Variants in TLN2 observed in about 807,000 individuals in gnomAD.
The protein encoded by TLN2 is talin 2.
A neutral mutation model predicts 294.7 loss-of-function variants in TLN2; 118 were observed. The ratio of observed to expected loss-of-function variants is 0.40; its 90% CI spans 0.34 to 0.47. TLN2 has a LOEUF of 0.47. TLN2 is among the 20% of genes least tolerant of loss of function. The pLI, the probability that TLN2 is intolerant of heterozygous loss-of-function variation, is 0.84. For missense variants in TLN2, 3,083 were observed against 3,282.2 expected, an observed-to-expected ratio of 0.94 and a Z score of 1.48; for synonymous variants, 1,431 against 1,304.5, an observed-to-expected ratio of 1.10 and a Z score of -2.09.
Position 62,556,380 on chromosome 15 carries a change from C to T in TLN2, c.-237-33307C>T, listed in dbSNP as rs533321536. 4.1e-4 allele frequency among the ~76,000 whole-genome samples: 62 copies of T among 152,068 alleles called. 1 individual carries two copies. The highest frequency in any genetic ancestry group is 3.7e-3 in the South Asian group (18 of 4,808). The stretch of plus-strand genomic sequence containing the variant: ...GGAGTGCAGTGGCACGATCAGGGCT[C>T]ACCGCAGCCTCAACCTTCTGGGCTT... On this transcript the variant is annotated intron_variant, in intron 1 of 58. Coordinates refer to ENST00000636159, the MANE Select transcript of TLN2 (RefSeq NM_015059.3).
rs987577119 is a variant in TLN2, at chr15:62,820,472, T to C, written c.6878-14T>C. ...GCAGCTATGAAGAATCACCTTCTTT[T>C]GGACTGATTCTAGGAACAGAGTGGG... On this transcript the variant is annotated splice_polypyrimidine_tract_variant and intron_variant, in intron 53 of 58. Coordinates refer to ENST00000636159, the MANE Select transcript of TLN2 (RefSeq NM_015059.3). The C allele has an allele frequency of 6.2e-7, 1 of 1,613,286 alleles. No individual in the cohort carries two copies. Among genetic ancestry groups the C allele is most frequent in the African/African-American group, 1.3e-5 (1 of 74,980 alleles).
At chr15:62,819,492 C>T in intron 52 of TLN2, 24 bp from the exon 53 acceptor site, 1 of 1,597,274 alleles carries the variant, frequency 6.3e-7, no homozygotes, top group Non-Finnish European at 8.6e-7. Context: ...CCCCTCATGC[C>T]TCTGACTTGT....
At chr15:62,648,630 C>T (rs1350920437) in intron 4 of TLN2, among the ~76,000 whole-genome samples, 1 of 147,102 alleles carries the variant, frequency 6.8e-6, no homozygotes, top group African/African-American at 2.5e-5. Context: ...TCACTGCAAC[C>T]TCCACCTTCC....
chr15:62,663,348 T>C (rs2054126347), intron 9 of TLN2, among the ~76,000 whole-genome samples: 3 of 152,182 alleles, frequency 2.0e-5, no homozygotes, highest in African/African-American at 7.2e-5. Flanking sequence ...GTATGATAAT[T>C]AATAGTTTAA....
At chr15:62,716,741 A>G (rs2140904724) in intron 23 of TLN2, among the ~76,000 whole-genome samples, 1 of 152,198 alleles carries the variant, frequency 6.6e-6, no homozygotes, top group South Asian at 2.1e-4. Flanking sequence ...TTCAAGAAGG[A>G]CCTTTTGCTG....
chr15:62,622,409 G>C (rs963946152), intron 3 of TLN2, among the ~76,000 whole-genome samples: 3 of 152,110 alleles, frequency 2.0e-5, no homozygotes, highest in Non-Finnish European at 2.9e-5. Context: ...CCAGACAAGT[G>C]GGGGAATACC....
chr15:62,771,805 G>T (rs553261590), intron 42 of TLN2, among the ~76,000 whole-genome samples: 1 of 152,362 alleles, frequency 6.6e-6, no homozygotes, highest in African/African-American at 2.4e-5. Context: ...GGACTGGGCT[G>T]CAGGGTGACA....
At chr15:62,703,305 G>T (rs535711763) in intron 19 of TLN2, among the ~76,000 whole-genome samples, 1 of 152,064 alleles carries the variant, frequency 6.6e-6, no homozygotes, top group African/African-American at 2.4e-5. Context: ...GTTTCACTAT[G>T]TTGGTCAGGC....
intron 45 of TLN2, among the ~76,000 whole-genome samples, chr15:62,789,673 G>A (rs1462445432): frequency 2.0e-5 from 3 of 152,146 alleles, no homozygotes; most frequent in East Asian, 1.9e-4. Flanking sequence ...ACAGGTGTTC[G>A]TCCCGGTGCC....
chr15:62,670,549 ATC>A (rs755990754), intron 9 of TLN2, among the ~76,000 whole-genome samples: 3 of 152,074 alleles, frequency 2.0e-5, no homozygotes, highest in Admixed American at 6.6e-5. Context: ...TGAACTTGGA[ATC>A]TCTCTTTTTT....
intron 1 of TLN2, among the ~76,000 whole-genome samples, chr15:62,392,143 T>C (rs1345249346): frequency 1.3e-5 from 2 of 152,226 alleles, no homozygotes; most frequent in Admixed American, 1.3e-4. Context: ...CTCTCGCAGC[T>C]CGTAGAGGCG....
At chr15:62,745,408 G>T (rs1254824547) in intron 32 of TLN2, among the ~76,000 whole-genome samples, 1 of 152,088 alleles carries the variant, frequency 6.6e-6, no homozygotes, top group African/African-American at 2.4e-5. Context: ...ATTTTGGCCA[G>T]ATTTTTTGTG....
At chr15:62,507,483 G>A (rs1375741949) in intron 1 of TLN2, among the ~76,000 whole-genome samples, 1 of 152,224 alleles carries the variant, frequency 6.6e-6, no homozygotes, top group African/African-American at 2.4e-5. Context: ...TGAGTTTGGA[G>A]AATAATTGCT....
chr15:62,679,246 G>A (rs536130014), intron 11 of TLN2, among the ~76,000 whole-genome samples: 40 of 152,214 alleles, frequency 2.6e-4, no homozygotes, highest in African/African-American at 7.9e-4. Context: ...TAGAAATACC[G>A]TATGATCCAG....
chr15:62,513,406 C>T (rs1035323301), intron 1 of TLN2, among the ~76,000 whole-genome samples: 3 of 152,208 alleles, frequency 2.0e-5, no homozygotes, highest in South Asian at 2.1e-4. Flanking sequence ...ATCTGTGATG[C>T]GTTGTCTCTT....
At chr15:62,650,437 G>GTGAGAT (rs1194238995) in intron 5 of TLN2, among the ~76,000 whole-genome samples, 1 of 152,148 alleles carries the variant, frequency 6.6e-6, no homozygotes, top group Admixed American at 6.5e-5. Context: ...TTTGGTAATT[G>GTGAGAT]TGAGATAAGA....
intron 2 of TLN2, among the ~76,000 whole-genome samples, chr15:62,605,830 A>T (rs2047389029): frequency 6.6e-6 from 1 of 152,200 alleles, no homozygotes; most frequent in Admixed American, 6.5e-5. Flanking sequence ...CAGCCTCCCC[A>T]AGCTGCAAGC....
chr15:62,536,587 C>T (rs922984610), intron 1 of TLN2, among the ~76,000 whole-genome samples: 1 of 152,104 alleles, frequency 6.6e-6, no homozygotes, highest in African/African-American at 2.4e-5. Context: ...TGTCTGTCCT[C>T]CCTAGGGTGT....
chr15:62,640,384 G>A (rs1240767492), intron 3 of TLN2: 1 of 456,570 alleles, frequency 2.2e-6, no homozygotes, highest in Admixed American at 2.3e-5. Context: ...GAGAAGAGGG[G>A]GACGGTGGCC....
Sources: gnomAD v4.1 joint callset for allele counts (sites outside exome capture counted in the v4.1 genomes callset) on GRCh38, gnomAD v4.1.1 for gene constraint, MANE v1.5 for transcripts, NCBI Gene and HGNC (gene_info 2026-07-23, HGNC 2026-07-21) for gene names.